Variants in COQ7 observed in about 807,000 individuals in gnomAD.
COQ7 encodes coenzyme Q7, hydroxylase.
In COQ7, 21 loss-of-function variants were observed where a neutral mutation model predicts 25.0. The observed-to-expected ratio is 0.84, with a 90% confidence interval of 0.60 to 1.21. COQ7 has a LOEUF of 1.21. COQ7 is among the 50% of genes most tolerant of loss of function. COQ7 has a pLI of 0.00. For synonymous variants in COQ7, 125 were observed against 112.4 expected (o/e 1.11, Z -0.71); for missense variants, 311 against 296.2 (o/e 1.05, Z -0.37).
intron 3 of COQ7, 41 bp downstream of exon 3, chr16:19,074,076 C>A: frequency 7.0e-7 from 1 of 1,433,362 alleles, no homozygotes; most frequent in South Asian, 1.2e-5. Flanking sequence ...GCTTGGGGAT[C>A]TAGGATGATT....
rs1963039549 is a variant in COQ7, at chr16:19,079,665, G to A, written c.*1507G>A. On this transcript the variant is annotated 3_prime_UTR_variant, in exon 6 of 6. Coordinates refer to ENST00000321998, the MANE Select transcript of COQ7 (RefSeq NM_016138.5). ...GAGTGAGTTGGAGCTGCAAGCCCCTGAGCTAGATTATAAGATGCTTCTGGG... is the reference window on the plus strand; with the variant it reads ...GAGTGAGTTGGAGCTGCAAGCCCCTAAGCTAGATTATAAGATGCTTCTGGG... 1 of 152,120 alleles carries A rather than the reference G, an allele frequency of 6.6e-6. No individual in the cohort carries two copies. The highest frequency in any genetic ancestry group is 2.1e-4 in the South Asian group (1 of 4,822). The allele number at this position is 152,120 out of a possible 1,614,324, so 9.4% of individuals were successfully genotyped here. A position where few individuals can be genotyped will look rare whatever the true frequency, so the allele number is the denominator to read the frequency against.
intron 1 of COQ7, among the ~76,000 whole-genome samples, chr16:19,069,647 G>A (rs1188174700): frequency 6.6e-6 from 1 of 152,074 alleles, no homozygotes; most frequent in African/African-American, 2.4e-5. Context: ...CTGACCTCAA[G>A]TGATTCTCCC....
intron 5 of COQ7, 113 bp from the exon 6 acceptor site, chr16:19,077,968 C>G: frequency 1.5e-6 from 1 of 673,624 alleles, no homozygotes; most frequent in South Asian, 2.4e-5. Context: ...TAAATTGTTC[C>G]TTAGATCTAT....
Position 19,077,310 on chromosome 16 carries a change from TA to T in COQ7, c.515del (p.Lys172ArgfsTer13). On this transcript the variant is annotated frameshift_variant, in exon 5 of 6. Transcript: ENST00000321998. LOFTEE classifies it high-confidence loss of function. ...GGTGTCTTTTTATTTAACCAGCTGA[TA>T]AAGAAATTTCGGGATGAAGAGCTTG... ...PEKYEELLQL[I>X]KKFRDEELEH... 1.9e-6 allele frequency: 3 copies of T among 1,614,016 alleles called. No homozygotes were observed. In the South Asian group the frequency reaches 3.3e-5, roughly 18 times the overall value.
intron 1 of COQ7, among the ~76,000 whole-genome samples, chr16:19,069,256 C>G (rs1962421410): frequency 6.6e-6 from 1 of 152,158 alleles, no homozygotes. Flanking sequence ...AATTTTAATG[C>G]TGCTCTGTTC....
Position 19,067,630 on chromosome 16 carries a change from G to A in COQ7, c.-35G>A, listed in dbSNP as rs769103897. ...GCCAAGGGCACTATTGGCCAGTTCCGTTCAACGAAGTGGTTGCTTTTTTTA... is the reference window on the plus strand; with the variant it reads ...GCCAAGGGCACTATTGGCCAGTTCCATTCAACGAAGTGGTTGCTTTTTTTA... On this transcript the variant is annotated 5_prime_UTR_variant, in exon 1 of 6. Coordinates refer to ENST00000321998, the MANE Select transcript of COQ7 (RefSeq NM_016138.5). 6 of 1,613,152 alleles carry A rather than the reference G, an allele frequency of 3.7e-6. No homozygotes were observed. Among genetic ancestry groups the A allele is most frequent in the African/African-American group, 2.7e-5 (2 of 74,894 alleles).
chr16:19,081,376 G>A (rs572380084), downstream of COQ7, among the ~76,000 whole-genome samples: 1 of 152,288 alleles, frequency 6.6e-6, no homozygotes, highest in East Asian at 1.9e-4. Context: ...AAGGAATCAA[G>A]CTTGACTTGC....
intron 5 of COQ7, among the ~76,000 whole-genome samples, chr16:19,077,590 C>CATTTTTTTTTTTTTT (rs1962918179): frequency 1.3e-5 from 1 of 74,378 alleles, no homozygotes; most frequent in Non-Finnish European, 2.6e-5. Flanking sequence ...TCCCCAGAAG[C>CATTTTTTTTTTTTTT]TTTTTTTTTT....
intron 3 of COQ7, among the ~76,000 whole-genome samples, chr16:19,074,255 A>G (rs1363406835): frequency 6.6e-6 from 1 of 151,832 alleles, no homozygotes; most frequent in Non-Finnish European, 1.5e-5. Context: ...GCCGGGCGTG[A>G]TGGCTCACAC....
At chr16:19,082,181 G>T (rs1318139335), downstream of COQ7, among the ~76,000 whole-genome samples, 1 of 152,184 alleles carries the variant, frequency 6.6e-6, no homozygotes, top group Non-Finnish European at 1.5e-5. Flanking sequence ...GAATAAAGTA[G>T]TGATACATGA....
In COQ7 at chr16:19,071,912, A is replaced by G; in HGVS notation, c.74-16A>G. The G allele has an allele frequency of 6.2e-7, 1 of 1,613,962 alleles. No individual in the cohort carries two copies. Among genetic ancestry groups the G allele is most frequent in the South Asian group, 1.1e-5 (1 of 91,084 alleles). On this transcript the variant is annotated splice_polypyrimidine_tract_variant and intron_variant, in intron 1 of 5. Transcript: ENST00000321998. ...TTTTACCTGATCATAACGAAGAATA[A>G]ACACTTGCATTTCAGCTTATGGAAG...
chr16:19,072,014 CG>C lies in COQ7; in HGVS notation c.163del (p.Val55TrpfsTer40). 2 of 1,614,026 alleles carry C rather than the reference CG, an allele frequency of 1.2e-6. No homozygotes were observed. Among genetic ancestry groups the C allele is most frequent in the Admixed American group, 1.7e-5 (1 of 59,994 alleles). ...TCGGGCAGCTGTGGATCGAATAATCCGGGTGGATCATGCAGGCGAATATGGA... is the reference window on the plus strand; with the variant it reads ...TCGGGCAGCTGTGGATCGAATAATCCGGTGGATCATGCAGGCGAATATGGA... ...ISRAAVDRII[R>X]VDHAGEYGAN... is the part of the protein sequence containing the mutation. On this transcript the variant is annotated frameshift_variant, in exon 2 of 6. Coordinates refer to ENST00000321998, the MANE Select transcript of COQ7 (RefSeq NM_016138.5). LOFTEE classifies it high-confidence loss of function.
At chr16:19,082,617 C>T (rs563880010), downstream of COQ7, among the ~76,000 whole-genome samples, 1 of 152,066 alleles carries the variant, frequency 6.6e-6, no homozygotes, top group Admixed American at 6.6e-5. Flanking sequence ...AACCCCGTCT[C>T]TACTAAAACT....
chr16:19,071,968 A>G lies in COQ7; in HGVS notation c.114A>G (p.Gly38=), dbSNP rs1962579201. ...CCAGTGTCAGATTTCGCAGTTCAGG[A>G]ATGACTTTAGACAATATCAGTCGGG... ...RRTSVRFRSS[G]MTLDNISRAA... Residue 38 remains glycine (G), a synonymous_variant, in exon 2 of 6, where the codon GGA becomes GGG. Transcript: ENST00000321998. The G allele has an allele frequency of 3.7e-6, 6 of 1,614,236 alleles. No homozygotes were observed. Among genetic ancestry groups the G allele is most frequent in the Non-Finnish European group, 3.4e-6 (4 of 1,180,046 alleles).
intron 1 of COQ7, among the ~76,000 whole-genome samples, chr16:19,069,347 C>T (rs1213661269): frequency 6.6e-6 from 1 of 151,440 alleles, no homozygotes; most frequent in African/African-American, 2.4e-5. Context: ...ATCCTCATAA[C>T]TCAGTAAGAA....
In COQ7 at chr16:19,072,077, G is replaced by GGTCGGACCAGC. The variant is rs1567540264; in HGVS notation, c.229_239dup (p.Val82AlafsTer17). ...CTATGCCGGGCAGATGGCTGTCCTG[G>GGTCGGACCAGC]GTCGGACCAGCGTCGGGCCAGTCAT... is the stretch of plus-strand genomic sequence containing the variant. On this transcript the variant is annotated frameshift_variant, in exon 2 of 6. Transcript: ENST00000321998. LOFTEE classifies it high-confidence loss of function. The GGTCGGACCAGC allele has an allele frequency of 4.3e-6, 7 of 1,614,154 alleles. No individual in the cohort carries two copies. The highest frequency in any genetic ancestry group is 5.9e-6 in the Non-Finnish European group (7 of 1,180,022).
intron 3 of COQ7, among the ~76,000 whole-genome samples, chr16:19,074,694 GC>G (rs1555522288): frequency 2.0e-5 from 3 of 151,994 alleles, no homozygotes; most frequent in Non-Finnish European, 4.4e-5. Flanking sequence ...GACTACTGGC[GC>G]ATGCCACCAC....
chr16:19,077,369 G>C lies in COQ7; in HGVS notation c.571G>C (p.Glu191Gln). 1 of 1,613,940 alleles carries C rather than the reference G, an allele frequency of 6.2e-7. No individual in the cohort carries two copies. Among genetic ancestry groups the C allele is most frequent in the Non-Finnish European group, 8.5e-7 (1 of 1,179,894 alleles). The change falls in exon 5 of 6, where the codon GAA becomes CAA. Residue 191 changes from glutamate to glutamine, a missense_variant. Physicochemically the swap from Glu to Gln is conservative, Grantham distance 29. Transcript: ENST00000321998. ...TGACATAGGCCTCGACCATGATGCAGAATTGGTAGGGCCCTACTGTTACCT... is the reference window on the plus strand; with the variant it reads ...TGACATAGGCCTCGACCATGATGCACAATTGGTAGGGCCCTACTGTTACCT... ...HHDIGLDHDA[E>Q]LAPAYAVLKS... is the part of the protein sequence containing the mutation.
chr16:19,068,789 A>T, intron 1 of COQ7: 3 of 402,316 alleles, frequency 7.5e-6, no homozygotes, highest in Non-Finnish European at 1.5e-5. Context: ...GTTTTTTTGT[A>T]TAGCTATGTC....
Sources: gnomAD v4.1 joint callset for allele counts (sites outside exome capture counted in the v4.1 genomes callset) on GRCh38, gnomAD v4.1.1 for gene constraint, MANE v1.5 for transcripts, NCBI Gene and HGNC (gene_info 2026-07-23, HGNC 2026-07-21) for gene names.